TMEM209: variants seen among roughly 807,000 people sequenced by gnomAD.
TMEM209 encodes testicular tissue protein Li 202.
Under a neutral mutation model 76.2 loss-of-function variants are expected in TMEM209, and 65 were observed. That is an observed-to-expected ratio of 0.85 (90% CI 0.70 to 1.05). The LOEUF is 1.05. Ranked by LOEUF, TMEM209 falls within the 50% of genes least tolerant of loss-of-function variation. The pLI, the probability that TMEM209 is intolerant of heterozygous loss-of-function variation, is 0.00. For synonymous variants in TMEM209, 239 were observed against 237.6 expected (o/e 1.01, Z -0.06); for missense variants, 623 against 685.5 (o/e 0.91, Z 1.02).
chr7:130,197,238 A>C (rs568482963), intron 5 of TMEM209, among the ~76,000 whole-genome samples: 36 of 152,280 alleles, frequency 2.4e-4, no homozygotes, highest in Admixed American at 4.6e-4. Context: ...AGCCATCAAC[A>C]TATGAGTGGA....
chr7:130,193,314 G>T (rs1035991351), intron 5 of TMEM209, among the ~76,000 whole-genome samples: 1 of 152,174 alleles, frequency 6.6e-6, no homozygotes, highest in African/African-American at 2.4e-5. Flanking sequence ...TGGAGGCTGA[G>T]GTGGGCGGAT....
intron 14 of TMEM209, among the ~76,000 whole-genome samples, chr7:130,167,809 G>A (rs1162157622): frequency 6.6e-6 from 1 of 151,996 alleles, no homozygotes; most frequent in Non-Finnish European, 1.5e-5. Context: ...AAATCCAAAT[G>A]GACTATATTT....
At chr7:130,199,166 A>T (rs1798098990) in intron 5 of TMEM209, among the ~76,000 whole-genome samples, 1 of 152,090 alleles carries the variant, frequency 6.6e-6, no homozygotes, top group African/African-American at 2.4e-5. Context: ...TTCATTGTTA[A>T]TACTACCACC....
intron 8 of TMEM209, among the ~76,000 whole-genome samples, 162 bp downstream of exon 8, chr7:130,184,022 A>G (rs1177846672): frequency 1.3e-5 from 2 of 152,192 alleles, no homozygotes; most frequent in Non-Finnish European, 2.9e-5. Context: ...GAAAATAAAT[A>G]CCATATAGTA....
At chr7:130,174,999 ATAG>A (rs2116978849) in intron 11 of TMEM209, among the ~76,000 whole-genome samples, 1 of 152,344 alleles carries the variant, frequency 6.6e-6, no homozygotes, top group East Asian at 1.9e-4. Context: ...ACATTAAAAA[ATAG>A]TAGCCACCAA....
intron 10 of TMEM209, among the ~76,000 whole-genome samples, chr7:130,177,091 G>A (rs2402990): frequency 0.17 from 25,558 of 150,596 alleles, 2,734 homozygotes; most frequent in Middle Eastern, 0.25. Flanking sequence ...AGTGACCCAC[G>A]CCTGTAATCC....
At position 130,205,362 on chromosome 7, in the gene TMEM209, C is replaced by CGAAAACGCACCATGTCCTCTGGCCG. The variant is rs750264546; in HGVS notation, c.-12_3+10dup. 1 of 1,613,950 alleles carries CGAAAACGCACCATGTCCTCTGGCCG rather than the reference C, an allele frequency of 6.2e-7. No homozygotes were observed. Among genetic ancestry groups the CGAAAACGCACCATGTCCTCTGGCCG allele is most frequent in the Non-Finnish European group, 8.5e-7 (1 of 1,179,892 alleles). ...AAGACAGGAAGCACAAACACGACCC[C>CGAAAACGCACCATGTCCTCTGGCCG]GAAAACGCACCATGTCCTCTGGCCG... On this transcript the variant is annotated intron_variant, in intron 1 of 14. Coordinates refer to ENST00000397622, the MANE Select transcript of TMEM209 (RefSeq NM_032842.4).
chr7:130,173,796 C>A lies in TMEM209; in HGVS notation c.1459+29G>T. On this transcript the variant is annotated intron_variant, in intron 12 of 14. Coordinates refer to ENST00000397622, the MANE Select transcript of TMEM209 (RefSeq NM_032842.4). ...CCAGAGATATTTTGTGTGAAAATCT[C>A]AACACATTCTTTTAGGAGAGGTTTA... 3 of 1,607,742 alleles carry A rather than the reference C, an allele frequency of 1.9e-6. No individual in the cohort carries two copies. The South Asian group carries it at 3.3e-5, about 18-fold the overall frequency.
chr7:130,172,152 A>G (rs916192526), intron 13 of TMEM209, among the ~76,000 whole-genome samples: 17 of 152,204 alleles, frequency 1.1e-4, no homozygotes, highest in African/African-American at 3.9e-4. Context: ...ACTACCTCAA[A>G]AAAAAAGTAA....
rs375826066 is a variant in TMEM209, at chr7:130,173,886, C to T, written c.1398G>A (p.Pro466=). 24 of 1,613,696 alleles carry T rather than the reference C, an allele frequency of 1.5e-5. No homozygotes were observed. The highest frequency in any genetic ancestry group is 1.3e-4 in the African/African-American group (10 of 74,908). The change falls in exon 12 of 15, where the codon CCG becomes CCA. Residue 466 remains proline, a synonymous_variant. Transcript: ENST00000397622. ...TAAAAGTTTTTCCGTCGGGATACTTCGGATGTGGAGGTAATCTGGAATCAA... is the reference window on the plus strand; with the variant it reads ...TAAAAGTTTTTCCGTCGGGATACTTTGGATGTGGAGGTAATCTGGAATCAA... ...TYLDSRLPPH[P]KYPDGKTFTS... is the part of the protein sequence containing the mutation.
At chr7:130,190,872 C>G (rs1195306670) in intron 6 of TMEM209, among the ~76,000 whole-genome samples, 1 of 151,850 alleles carries the variant, frequency 6.6e-6, no homozygotes, top group Non-Finnish European at 1.5e-5. Context: ...TGGCATGCAT[C>G]TGTAGTCCCA....
chr7:130,175,559 C>T lies in TMEM209; in HGVS notation c.1297G>A (p.Asp433Asn), dbSNP rs758685655. The T allele has an allele frequency of 4.3e-6, 7 of 1,613,148 alleles. No homozygotes were observed. The highest frequency in any genetic ancestry group is 2.2e-5 in the South Asian group (2 of 90,832). ...MSSFRWNRGG[D>N]FKGRKWDTDL... Reference sequence around the variant, plus strand: ...GTATCCCACTTTCGTCCTTTGAAGTCGCCACCTCTGTTCCATCGAAATGAG... The same window carrying T: ...GTATCCCACTTTCGTCCTTTGAAGTTGCCACCTCTGTTCCATCGAAATGAG... Residue 433 changes from aspartate to asparagine, a missense_variant, in exon 11 of 15, where the codon GAC (aspartate) becomes AAC (asparagine). Transcript: ENST00000397622.
rs111275671 is a variant in TMEM209, at chr7:130,201,649, T to C, written c.573+201A>G. Among the ~76,000 whole-genome samples, 950 of 152,338 alleles carry C rather than the reference T, an allele frequency of 6.2e-3. 7 individuals carry two copies. Among genetic ancestry groups the C allele is most frequent in the African/African-American group, 0.021 (863 of 41,566 alleles). On this transcript the variant is annotated intron_variant, in intron 5 of 14. Coordinates refer to ENST00000397622, the MANE Select transcript of TMEM209 (RefSeq NM_032842.4). ...CGTAGATGGTGCACTAAGTTTGTTA[T>C]CTCTGTAAATGCTAATTTTTTCTCT...
chr7:130,192,841 TCTTTA>T lies in TMEM209; in HGVS notation c.574-23_574-19del, dbSNP rs770581444. 70 of 1,602,852 alleles carry T rather than the reference TCTTTA, an allele frequency of 4.4e-5. No homozygotes were observed. Among genetic ancestry groups the T allele is most frequent in the Non-Finnish European group, 5.4e-5 (63 of 1,172,756 alleles). Reference sequence around the variant, plus strand: ...CTCGCCAACTATACAAAATAAAAGATCTTTACTTTATTTTTCTTTAATTGAAATTC... The same window carrying T: ...CTCGCCAACTATACAAAATAAAAGATCTTTATTTTTCTTTAATTGAAATTC... On this transcript the variant is annotated intron_variant, in intron 5 of 14. Transcript: ENST00000397622.
chr7:130,199,287 G>C (rs1032227194), intron 5 of TMEM209, among the ~76,000 whole-genome samples: 24 of 151,520 alleles, frequency 1.6e-4, no homozygotes, highest in African/African-American at 5.3e-4. Context: ...GAGCCATCTC[G>C]GCTCACTGAA....
At chr7:130,182,489 C>T (rs529876252) in intron 8 of TMEM209, among the ~76,000 whole-genome samples, 2 of 152,290 alleles carry the variant, frequency 1.3e-5, no homozygotes, top group Admixed American at 1.3e-4. Context: ...CAGGCTCACC[C>T]AATTCCCTAA....
At position 130,203,983 on chromosome 7, in the gene TMEM209, T is replaced by G; in HGVS notation, c.131A>C (p.Tyr44Ser). ...GGACTGATTCACTTACATTTCAGTA[T>G]ATATCATTCCAGCCATAGATACATT... ...LLNVSMAGMI[Y>S]TEMTGKLISS... Residue 44 changes from tyrosine (Y) to serine (S), a missense_variant, in exon 2 of 15, where the codon TAT (tyrosine) becomes TCT (serine). Coordinates refer to ENST00000397622, the MANE Select transcript of TMEM209 (RefSeq NM_032842.4). 1 of 1,613,562 alleles carries G rather than the reference T, an allele frequency of 6.2e-7. No homozygotes were observed. The highest frequency in any genetic ancestry group is 1.1e-5 in the South Asian group (1 of 90,952).
chr7:130,203,065 G>C (rs538579989), intron 3 of TMEM209, among the ~76,000 whole-genome samples: 1 of 151,974 alleles, frequency 6.6e-6, no homozygotes, highest in African/African-American at 2.4e-5. Flanking sequence ...CTCCAGCCTG[G>C]GTGACAGAGT....
intron 6 of TMEM209, among the ~76,000 whole-genome samples, chr7:130,191,846 A>AT (rs1178092287): frequency 6.6e-6 from 1 of 152,130 alleles, no homozygotes; most frequent in South Asian, 2.1e-4. Context: ...AATATTTCAA[A>AT]TTTTTTTCAA....
Sources: gnomAD v4.1 joint callset for allele counts (sites outside exome capture counted in the v4.1 genomes callset) on GRCh38, gnomAD v4.1.1 for gene constraint, MANE v1.5 for transcripts, NCBI Gene and HGNC (gene_info 2026-07-23, HGNC 2026-07-21) for gene names.